Variants in CRELD2 observed in about 807,000 individuals in gnomAD.
The protein encoded by CRELD2 is protein disulfide isomerase CRELD2.
In CRELD2, 33 loss-of-function variants were observed where a neutral mutation model predicts 48.1. The observed-to-expected ratio is 0.69, with a 90% CI of 0.52 to 0.92. The LOEUF is 0.92. Ranked by LOEUF, CRELD2 falls within the 40% of genes least tolerant of loss-of-function variation. The pLI is 0.00. For missense variants in CRELD2, 477 were observed against 482.4 expected (o/e 0.99, Z 0.10); for synonymous variants, 220 against 203.9 (o/e 1.08, Z -0.67).
Position 49,919,259 on chromosome 22 carries a change from T to C in CRELD2, c.159T>C (p.Phe53=). 1 of 1,613,728 alleles carries C rather than the reference T, an allele frequency of 6.2e-7. No homozygotes were observed. The highest frequency in any genetic ancestry group is 8.5e-7 in the Non-Finnish European group (1 of 1,180,010). The stretch of plus-strand genomic sequence containing the variant: ...TGGTGGACACCGCAAAGAAGAACTT[T>C]GGCGGCGGGAACACGGCTTGGGAGG... ...QGMVDTAKKN[F]GGGNTAWEEK... Residue 53 remains phenylalanine (F), a synonymous_variant, in exon 2 of 10, where the codon TTT becomes TTC. Transcript: ENST00000328268.
At position 49,925,434 on chromosome 22, in the gene CRELD2, C is replaced by A. The variant is rs2060750524; in HGVS notation, c.886C>A (p.Leu296Ile). The A allele has an allele frequency of 6.2e-7, 1 of 1,611,338 alleles. No individual in the cohort carries two copies. Among genetic ancestry groups the A allele is most frequent in the Non-Finnish European group, 8.5e-7 (1 of 1,178,040 alleles). ...CATTTTAGATGTGGACGAGTGCTCA[C>A]TAGCAGAAAAAACCTGTGTGAGGAA... ...GQCADVDECS[L>I]AEKTCVRKNE... The change falls in exon 9 of 10, where the codon CTA (leucine) becomes ATA (isoleucine). Residue 296 changes from leucine to isoleucine, a missense_variant. Physicochemically the swap from Leu to Ile is conservative, Grantham distance 5 (BLOSUM62 2). Coordinates refer to ENST00000328268, the MANE Select transcript of CRELD2 (RefSeq NM_024324.5).
chr22:49,927,289 C>G lies in CRELD2; in HGVS notation c.1044C>G (p.Pro348=). Residue 348 remains proline (P), a synonymous_variant, in exon 10 of 10, where the codon CCC becomes CCG. Transcript: ENST00000328268. ...ATEGESPTQL[P]SREDL is the part of the protein sequence containing the mutation. ...AAGGAGAAAGCCCGACACAGCTGCCCTCCCGCGAAGACCTGTAATGTGCCG... is the reference window on the plus strand; with the variant it reads ...AAGGAGAAAGCCCGACACAGCTGCCGTCCCGCGAAGACCTGTAATGTGCCG... 1 of 1,612,414 alleles carries G rather than the reference C, an allele frequency of 6.2e-7. No individual in the cohort carries two copies. The highest frequency in any genetic ancestry group is 8.5e-7 in the Non-Finnish European group (1 of 1,179,758).
At position 49,927,294 on chromosome 22, in the gene CRELD2, G is replaced by T. The variant is rs368886220; in HGVS notation, c.1049G>T (p.Arg350Leu). ...GAAAGCCCGACACAGCTGCCCTCCC[G>T]CGAAGACCTGTAATGTGCCGGACTT... ...EGESPTQLPS[R>L]EDL The change falls in exon 10 of 10, where the codon CGC becomes CTC. Residue 350 changes from arginine (R) to leucine (L), a missense_variant. Transcript: ENST00000328268. 10 of 1,612,054 alleles carry T rather than the reference G, an allele frequency of 6.2e-6. No homozygotes were observed. The highest frequency in any genetic ancestry group is 2.7e-5 in the African/African-American group (2 of 74,886).
intron 6 of CRELD2, 82 bp from the exon 7 acceptor site, chr22:49,923,152 C>CTGTG (rs1759234877): frequency 1.7e-6 from 2 of 1,144,718 alleles, no homozygotes; most frequent in African/African-American, 3.1e-5. Context: ...TGGCCACGGG[C>CTGTG]TGTGTCAGGC....
At chr22:49,919,399 A>C in intron 2 of CRELD2, 87 bp downstream of exon 2, 3 of 1,260,464 alleles carry the variant, frequency 2.4e-6, no homozygotes, top group Non-Finnish European at 3.4e-6. Context: ...TGTTAATGAC[A>C]GGGAGACAGA....
In CRELD2 at chr22:49,927,388, G is replaced by A; in HGVS notation, c.*81G>A. 1 of 1,171,452 alleles carries A rather than the reference G, an allele frequency of 8.5e-7. No individual in the cohort carries two copies. The highest frequency in any genetic ancestry group is 1.3e-6 in the Non-Finnish European group (1 of 779,150). The allele number at this position is 1,171,452 out of a possible 1,614,324, so 72.6% of individuals were successfully genotyped here. On this transcript the variant is annotated 3_prime_UTR_variant, in exon 10 of 10. Coordinates refer to ENST00000328268, the MANE Select transcript of CRELD2 (RefSeq NM_024324.5). ...CCTGAGGATGCCGTCTCCTGCAGTG[G>A]ACAGCGGCGGGGAGAGGCTGCCTGC...
Position 49,919,734 on chromosome 22 carries a change from A to T in CRELD2, c.217A>T (p.Ile73Phe). 4 of 1,606,870 alleles carry T rather than the reference A, an allele frequency of 2.5e-6. No individual in the cohort carries two copies. Among genetic ancestry groups the T allele is most frequent in the Non-Finnish European group, 3.4e-6 (4 of 1,177,382 alleles). ...CGGTGTGGGCCTGTGTTTCAGCGAG[A>T]TTCGCCTGCTGGAGATCCTGGAGGG... ...KTLSKYESSE[I>F]RLLEILEGLC... The change falls in exon 3 of 10, where the codon ATT becomes TTT. Residue 73 changes from isoleucine to phenylalanine, a missense_variant. Transcript: ENST00000328268.
chr22:49,925,106 G>T (rs894104367), intron 8 of CRELD2: 6 of 203,048 alleles, frequency 3.0e-5, no homozygotes, highest in Non-Finnish European at 6.0e-5. Context: ...ACTCCAGCCT[G>T]GGCGACAGAG....
chr22:49,925,238 C>G, intron 8 of CRELD2, 179 bp from the exon 9 acceptor site: 2 of 523,548 alleles, frequency 3.8e-6, no homozygotes, highest in Admixed American at 3.7e-5. Flanking sequence ...GAGGGCCCAA[C>G]TTGGAGACGT....
In CRELD2 at chr22:49,919,762, T is replaced by G. The variant is rs758139055; in HGVS notation, c.245T>G (p.Leu82Arg). The change falls in exon 3 of 10, where the codon CTG becomes CGG. Residue 82 changes from leucine (L) to arginine (R), a missense_variant. By Grantham distance (102) the Leu-to-Arg change is moderately radical. Coordinates refer to ENST00000328268, the MANE Select transcript of CRELD2 (RefSeq NM_024324.5). ...EIRLLEILEG[L>R]CESSDFECNQ... Reference sequence around the variant, plus strand: ...CGCCTGCTGGAGATCCTGGAGGGGCTGTGCGAGAGCAGCGACTTCGAATGC... The same window carrying G: ...CGCCTGCTGGAGATCCTGGAGGGGCGGTGCGAGAGCAGCGACTTCGAATGC... 1 of 1,612,120 alleles carries G rather than the reference T, an allele frequency of 6.2e-7. No individual in the cohort carries two copies.
At position 49,918,872 on chromosome 22, in the gene CRELD2, C is replaced by CG; in HGVS notation, c.108dup (p.Leu37AlafsTer6). On this transcript the variant is annotated frameshift_variant, in exon 1 of 10. Transcript: ENST00000328268. LOFTEE classifies it high-confidence loss of function. ...GAAGCCGACGCCCTGCCACCGGTGCCGGGGGCTGGTGGACAAGTTTAACCA... is the reference window on the plus strand; with the variant it reads ...GAAGCCGACGCCCTGCCACCGGTGCCGGGGGGCTGGTGGACAAGTTTAACCA... 7.7e-7 allele frequency: 1 copy of CG among 1,300,284 alleles called. No individual in the cohort carries two copies. The highest frequency in any genetic ancestry group is 2.2e-5 in the South Asian group (1 of 45,504). 80.5% of individuals were successfully genotyped at this position (1,300,284 alleles called of 1,614,324 possible). A position where few individuals can be genotyped will look rare whatever the true frequency, so the allele number is the denominator to read the frequency against.
At chr22:49,919,418 C>T in intron 2 of CRELD2, 106 bp downstream of exon 2, 2 of 1,046,566 alleles carry the variant, frequency 1.9e-6, no homozygotes, top group South Asian at 1.4e-5. Context: ...GAACAGCCCC[C>T]GAGGCACCAG....
chr22:49,925,647 C>CAGATGGTGGCCTTG (rs1370166913), intron 9 of CRELD2, 90 bp downstream of exon 9: 2 of 1,582,280 alleles, frequency 1.3e-6, no homozygotes, highest in Non-Finnish European at 1.7e-6. Flanking sequence ...GAAATCCACA[C>CAGATGGTGGCCTTG]AGATGGTGGC....
At chr22:49,924,316 G>C in intron 7 of CRELD2, 44 bp from the exon 8 acceptor site, 2 of 1,470,510 alleles carry the variant, frequency 1.4e-6, no homozygotes, top group Non-Finnish European at 1.9e-6. Context: ...ACGGGCACTG[G>C]TGCCTTGTGC....
chr22:49,927,432 C>CATTTG lies in CRELD2; in HGVS notation c.*126_*130dup. The CATTTG allele has an allele frequency of 1.3e-6, 1 of 757,866 alleles. No homozygotes were observed. Among genetic ancestry groups the CATTTG allele is most frequent in the South Asian group, 1.5e-5 (1 of 67,892 alleles). 46.9% of individuals were successfully genotyped at this position (757,866 alleles called of 1,614,324 possible). On this transcript the variant is annotated 3_prime_UTR_variant, in exon 10 of 10. Transcript: ENST00000328268. ...TGCCTGCTCTCTAACGGTTGATTCT[C>CATTTG]ATTTGTCCCTTAAACAGCTGCATTT... is the stretch of plus-strand genomic sequence containing the variant.
At position 49,918,912 on chromosome 22, in the gene CRELD2, G is replaced by T; in HGVS notation, c.129+14G>T. 3 of 1,328,442 alleles carry T rather than the reference G, an allele frequency of 2.3e-6. No individual in the cohort carries two copies. The highest frequency in any genetic ancestry group is 2.9e-6 in the Non-Finnish European group (3 of 1,041,426). 82.3% of individuals were successfully genotyped at this position (1,328,442 alleles called of 1,614,324 possible). A position where few individuals can be genotyped will look rare whatever the true frequency, so the allele number is the denominator to read the frequency against. ...AAGTTTAACCAGGTGGGAAGGGGCC[G>T]GGCGGGGTCGTCAACCTTGGGCCCG... is the stretch of plus-strand genomic sequence containing the variant. On this transcript the variant is annotated intron_variant, in intron 1 of 9. Transcript: ENST00000328268.
intron 3 of CRELD2, 147 bp downstream of exon 3, chr22:49,919,987 C>T (rs2060664705): frequency 6.2e-6 from 5 of 805,082 alleles, no homozygotes; most frequent in African/African-American, 1.7e-5. Flanking sequence ...TTTTTTATCA[C>T]CAGAGTCAGC....
At chr22:49,919,030 G>GGTCCCCCTC in intron 1 of CRELD2, 132 bp downstream of exon 1, 2 of 885,308 alleles carry the variant, frequency 2.3e-6, no homozygotes, top group African/African-American at 1.7e-5. Context: ...CTGGATTCGG[G>GGTCCCCCTC]ATCCCCCTCA....
In CRELD2 at chr22:49,925,449, T is replaced by C; in HGVS notation, c.901T>C (p.Cys301Arg). 1 of 1,613,358 alleles carries C rather than the reference T, an allele frequency of 6.2e-7. No individual in the cohort carries two copies. The highest frequency in any genetic ancestry group is 8.5e-7 in the Non-Finnish European group (1 of 1,179,608). ...VDECSLAEKT[C>R]VRKNENCYNT... ...CGAGTGCTCACTAGCAGAAAAAACC[T>C]GTGTGAGGAAAAACGAAAACTGCTA... is the stretch of plus-strand genomic sequence containing the variant. Residue 301 changes from cysteine (C) to arginine (R), a missense_variant, in exon 9 of 10, where the codon TGT (cysteine) becomes CGT (arginine). Cys to Arg is a radical substitution (Grantham distance 180). Transcript: ENST00000328268.
Sources: gnomAD v4.1 joint callset for allele counts on GRCh38, gnomAD v4.1.1 for gene constraint, MANE v1.5 for transcripts, NCBI Gene and HGNC (gene_info 2026-07-23, HGNC 2026-07-21) for gene names.